SYCP2: variants seen among roughly 807,000 people sequenced by gnomAD.
The protein encoded by SYCP2 is synaptonemal complex lateral element protein.
In SYCP2, 55 loss-of-function variants were observed where a neutral mutation model predicts 211.3. The observed-to-expected ratio is 0.26, with a 90% CI of 0.21 to 0.33. SYCP2 has a LOEUF of 0.33. Ranked by LOEUF, SYCP2 falls within the 10% of genes least tolerant of loss-of-function variation. The pLI is 1.00. For synonymous variants in SYCP2, 570 were observed against 555.2 expected (o/e 1.03, Z -0.37); for missense variants, 1,731 against 1,752.0 (o/e 0.99, Z 0.21).
At chr20:59,885,821 T>G in intron 26 of SYCP2, 107 bp downstream of exon 26, 1 of 869,680 alleles carries the variant, frequency 1.1e-6, no homozygotes, top group Non-Finnish European at 1.8e-6. Flanking sequence ...AGCAATATTC[T>G]GAAAACATCG....
intron 2 of SYCP2, among the ~76,000 whole-genome samples, chr20:59,925,590 G>A (rs938084044): frequency 6.6e-6 from 1 of 151,972 alleles, no homozygotes; most frequent in Non-Finnish European, 1.5e-5. Context: ...TCCTATTTTG[G>A]CACCTCAGCC....
intron 35 of SYCP2, 86 bp downstream of exon 35, chr20:59,873,770 A>G (rs549031731): frequency 2.0e-4 from 237 of 1,168,798 alleles, no homozygotes; most frequent in African/African-American, 3.1e-5. Context: ...TAGACAAGCA[A>G]TGTGTATCTG....
chr20:59,881,497 A>G lies in SYCP2; in HGVS notation c.2659-5T>C. The G allele has an allele frequency of 4.1e-6, 6 of 1,455,024 alleles. No individual in the cohort carries two copies. The African/African-American group carries it at 7.3e-5, about 18-fold the overall frequency. 90.1% of individuals were successfully genotyped at this position (1,455,024 alleles called of 1,614,324 possible). Reference sequence around the variant, plus strand: ...TGTAGCTTGAAACTCTTGGATCTATATTGTAAATAAACAAAAAAAAAGAGG... The same window carrying G: ...TGTAGCTTGAAACTCTTGGATCTATGTTGTAAATAAACAAAAAAAAAGAGG... On this transcript the variant is annotated splice_polypyrimidine_tract_variant and splice_region_variant and intron_variant, in intron 28 of 44. Coordinates refer to ENST00000357552, the MANE Select transcript of SYCP2 (RefSeq NM_014258.4).
chr20:59,916,310 T>C (rs2060441369), intron 8 of SYCP2, among the ~76,000 whole-genome samples, 176 bp downstream of exon 8: 1 of 152,144 alleles, frequency 6.6e-6, no homozygotes, highest in Non-Finnish European at 1.5e-5. Context: ...CATAAACCCA[T>C]ATGGTTATAA....
intron 15 of SYCP2, among the ~76,000 whole-genome samples, chr20:59,906,012 C>T (rs961472782): frequency 6.6e-6 from 1 of 152,114 alleles, no homozygotes; most frequent in Non-Finnish European, 1.5e-5. Context: ...AGACTGAATA[C>T]TTGGGAACAA....
intron 28 of SYCP2, 122 bp downstream of exon 28, chr20:59,881,823 A>G (rs2059689087): frequency 1.5e-6 from 1 of 661,282 alleles, no homozygotes; most frequent in Non-Finnish European, 2.4e-6. Context: ...ATATTATTAT[A>G]TATTTCTTAA....
chr20:59,921,244 CTTCCT>C, intron 4 of SYCP2, 61 bp downstream of exon 4: 1 of 1,406,816 alleles, frequency 7.1e-7, no homozygotes, highest in Non-Finnish European at 9.6e-7. Flanking sequence ...TAATGGAGTA[CTTCCT>C]TCTAAAACTA....
chr20:59,888,987 A>G (rs2059851378), intron 24 of SYCP2, among the ~76,000 whole-genome samples: 1 of 152,150 alleles, frequency 6.6e-6, no homozygotes, highest in South Asian at 2.1e-4. Context: ...GATCTAAATA[A>G]ATGAAGAGAT....
intron 18 of SYCP2, among the ~76,000 whole-genome samples, chr20:59,898,810 T>C (rs2060060839): frequency 6.6e-6 from 1 of 151,946 alleles, no homozygotes; most frequent in Non-Finnish European, 1.5e-5. Flanking sequence ...ATGCTTTAGA[T>C]GGGTAAAGGT....
At chr20:59,881,384 T>C (rs984327406) in intron 29 of SYCP2, 53 bp downstream of exon 29, 9 of 914,968 alleles carry the variant, frequency 9.8e-6, no homozygotes, top group Non-Finnish European at 1.5e-5. Flanking sequence ...TGGGAGGAGA[T>C]ATTTAAGAGA....
At chr20:59,867,014 CAAA>C (rs779891839) in intron 39 of SYCP2, among the ~76,000 whole-genome samples, 6 of 60,420 alleles carry the variant, frequency 9.9e-5, no homozygotes, top group African/African-American at 2.4e-4. Context: ...GGCCTTGGGC[CAAA>C]AAAAAAAAAA....
intron 35 of SYCP2, among the ~76,000 whole-genome samples, chr20:59,873,321 T>C (rs2059489723): frequency 6.6e-6 from 1 of 152,192 alleles, no homozygotes; most frequent in Non-Finnish European, 1.5e-5. Context: ...TAAGGGTTAC[T>C]TTAACACAAG....
chr20:59,908,902 G>A (rs890602843), intron 14 of SYCP2, among the ~76,000 whole-genome samples: 12 of 151,966 alleles, frequency 7.9e-5, no homozygotes, highest in African/African-American at 2.7e-4. Context: ...CACATGTCAC[G>A]CTCTTTCCTT....
chr20:59,893,827 A>G (rs6071009), intron 20 of SYCP2, among the ~76,000 whole-genome samples: 2,948 of 152,172 alleles, frequency 0.019, 42 homozygotes, highest in Middle Eastern at 0.041. Context: ...TTTTCTGATC[A>G]CATCCATAGC....
At chr20:59,906,707 G>GA (rs1479246646) in intron 15 of SYCP2, among the ~76,000 whole-genome samples, 1 of 151,934 alleles carries the variant, frequency 6.6e-6, no homozygotes, top group Non-Finnish European at 1.5e-5. Context: ...ATTTAAAACT[G>GA]CTCACCAGAT....
chr20:59,911,617 A>C, intron 14 of SYCP2, 133 bp downstream of exon 14: 3 of 404,996 alleles, frequency 7.4e-6, no homozygotes, highest in Non-Finnish European at 1.3e-5. Context: ...TATGCTAATC[A>C]AACTACTAGA....
intron 7 of SYCP2, among the ~76,000 whole-genome samples, chr20:59,917,551 T>TA (rs1182291817): frequency 6.6e-6 from 1 of 152,162 alleles, no homozygotes; most frequent in Non-Finnish European, 1.5e-5. Flanking sequence ...ATTTTTTCCC[T>TA]AAAAACTTAA....
rs2059590634 is a variant in SYCP2, at chr20:59,877,836, T to TCA, written c.2979+170_2979+171dup. Among the ~76,000 whole-genome samples, 3 of 151,604 alleles carry TCA rather than the reference T, an allele frequency of 2.0e-5. No individual in the cohort carries two copies. In the South Asian group the frequency reaches 6.2e-4, roughly 32 times the overall value. On this transcript the variant is annotated intron_variant, in intron 32 of 44. Coordinates refer to ENST00000357552, the MANE Select transcript of SYCP2 (RefSeq NM_014258.4). The stretch of plus-strand genomic sequence containing the variant: ...CCTAAAAGCACAGAATAAAATGGAG[T>TCA]CAAAGGCCAGTATGATTTAAAAAGA...
chr20:59,868,097 A>T (rs1237401017), intron 38 of SYCP2, among the ~76,000 whole-genome samples: 5 of 151,758 alleles, frequency 3.3e-5, no homozygotes, highest in Admixed American at 3.3e-4. Flanking sequence ...ACATTTATGG[A>T]TTATTTTTAA....
Sources: allele counts gnomAD v4.1 joint callset (sites outside exome capture counted in the v4.1 genomes callset), GRCh38; gene constraint gnomAD v4.1.1; transcripts MANE v1.5; gene names NCBI Gene and HGNC (gene_info 2026-07-23, HGNC 2026-07-21).